DNER: variants seen among roughly 807,000 people sequenced by gnomAD.
DNER encodes the protein delta/notch like EGF repeat containing, also known as delta and Notch-like epidermal growth factor-related receptor.
Under a neutral mutation model 78.2 loss-of-function variants are expected in DNER, and 33 were observed. That is an observed-to-expected ratio of 0.42 (90% confidence interval 0.32 to 0.56). The LOEUF is 0.56. Ranked by LOEUF, DNER falls within the 20% of genes least tolerant of loss-of-function variation. DNER has a pLI of 0.11. For synonymous variants in DNER, 417 were observed against 384.8 expected, an observed-to-expected ratio of 1.08 and a Z score of -0.98; for missense variants, 918 against 975.3, an observed-to-expected ratio of 0.94 and a Z score of 0.78.
At chr2:229,580,752 A>C (rs1309963959) in intron 4 of DNER, among the ~76,000 whole-genome samples, 1 of 152,240 alleles carries the variant, frequency 6.6e-6, no homozygotes, top group African/African-American at 2.4e-5. Context: ...TGGATAAAGC[A>C]GTCAGTCCCT....
At chr2:229,462,559 G>A (rs1179572148) in intron 7 of DNER, among the ~76,000 whole-genome samples, 2 of 151,894 alleles carry the variant, frequency 1.3e-5, no homozygotes, top group African/African-American at 4.8e-5. Flanking sequence ...CTTGCAACTT[G>A]GCTGCTACCA....
intron 1 of DNER, among the ~76,000 whole-genome samples, chr2:229,641,732 C>A (rs375794706): frequency 1.5e-3 from 232 of 152,042 alleles, no homozygotes; most frequent in African/African-American, 5.3e-3. Context: ...AAATAAAAAT[C>A]AAAAAGGAAA....
intron 4 of DNER, among the ~76,000 whole-genome samples, chr2:229,549,169 C>T (rs538714149): frequency 2.0e-5 from 3 of 152,022 alleles, no homozygotes; most frequent in Admixed American, 1.3e-4. Context: ...GAAAAGGATC[C>T]GGGGAAATAG....
intron 1 of DNER, among the ~76,000 whole-genome samples, chr2:229,605,913 G>A (rs1300903663): frequency 2.0e-5 from 3 of 152,036 alleles, no homozygotes; most frequent in Non-Finnish European, 2.9e-5. Context: ...TCATAGACAC[G>A]TGACTTACCT....
At chr2:229,655,152 T>A (rs572430356) in intron 1 of DNER, among the ~76,000 whole-genome samples, 17 of 152,170 alleles carry the variant, frequency 1.1e-4, no homozygotes, top group Admixed American at 4.6e-4. Context: ...GGGCCCATCA[T>A]CACCACCACC....
At chr2:229,647,487 G>C (rs952184901) in intron 1 of DNER, among the ~76,000 whole-genome samples, 1 of 152,142 alleles carries the variant, frequency 6.6e-6, no homozygotes, top group Non-Finnish European at 1.5e-5. Context: ...CTGCAATCTG[G>C]AAATAGATAT....
rs940062986 is a variant in DNER at position 229,358,426 on chromosome 2, C to A, written c.*114G>T. 13 of 835,044 alleles carry A rather than the reference C, an allele frequency of 1.6e-5. No individual in the cohort carries two copies. The African/African-American group carries it at 1.8e-4, about 11-fold the overall frequency. The allele number at this position is 835,044 out of a possible 1,614,324, so 51.7% of individuals were successfully genotyped here. A position where few individuals can be genotyped will look rare whatever the true frequency, so the allele number is the denominator to read the frequency against. ...TGCAGAAAATTAGTTCTTAAATATT[C>A]TACTGAAAACTCTTGAGCAGCTAGC... On this transcript the variant is annotated 3_prime_UTR_variant, in exon 13 of 13. Coordinates refer to ENST00000341772, the MANE Select transcript of DNER (RefSeq NM_139072.4).
At chr2:229,609,582 G>A (rs576569495) in intron 1 of DNER, among the ~76,000 whole-genome samples, 12 of 152,224 alleles carry the variant, frequency 7.9e-5, no homozygotes, top group Non-Finnish European at 1.3e-4. Flanking sequence ...AGCTCACAAC[G>A]CTGAAAATAT....
intron 9 of DNER, among the ~76,000 whole-genome samples, chr2:229,410,237 G>A (rs1371385516): frequency 6.6e-6 from 1 of 152,182 alleles, no homozygotes; most frequent in Admixed American, 6.5e-5. Context: ...TGTGCCTTGA[G>A]AGCATGCCGG....
chr2:229,684,210 G>GTT (rs1699446374), intron 1 of DNER, among the ~76,000 whole-genome samples: 9 of 142,104 alleles, frequency 6.3e-5, no homozygotes, highest in African/African-American at 2.2e-4. Flanking sequence ...GTGTGTGTGT[G>GTT]TTGGGGCTAA....
At chr2:229,390,683 C>T (rs1282221324) in intron 10 of DNER, among the ~76,000 whole-genome samples, 2 of 152,208 alleles carry the variant, frequency 1.3e-5, no homozygotes, top group African/African-American at 4.8e-5. Context: ...GTTTTCATCA[C>T]CATAACATTC....
At chr2:229,711,715 C>T (rs1699916100) in intron 1 of DNER, among the ~76,000 whole-genome samples, 1 of 152,144 alleles carries the variant, frequency 6.6e-6, no homozygotes, top group South Asian at 2.1e-4. Flanking sequence ...CTCTTTACAT[C>T]CAGGTAAAAT....
chr2:229,512,582 G>T (rs1447523028), intron 6 of DNER, among the ~76,000 whole-genome samples: 2 of 152,072 alleles, frequency 1.3e-5, no homozygotes, highest in African/African-American at 4.8e-5. Context: ...GTGACAAGGG[G>T]ATGAGGAATA....
intron 11 of DNER, among the ~76,000 whole-genome samples, chr2:229,383,181 GA>G (rs1692783806): frequency 6.6e-6 from 1 of 152,134 alleles, no homozygotes; most frequent in East Asian, 1.9e-4. Context: ...AAGTGAAGGA[GA>G]AATAAAATCC....
At chr2:229,619,081 C>T (rs1281991755) in intron 1 of DNER, among the ~76,000 whole-genome samples, 2 of 152,004 alleles carry the variant, frequency 1.3e-5, no homozygotes, top group Non-Finnish European at 1.5e-5. Context: ...CCAAGGAGTT[C>T]GAGGTCACAT....
intron 1 of DNER, among the ~76,000 whole-genome samples, chr2:229,673,299 G>C (rs1310087242): frequency 6.6e-6 from 1 of 152,030 alleles, no homozygotes; most frequent in Non-Finnish European, 1.5e-5. Context: ...TGAGAAGAAG[G>C]CACGAGATGC....
chr2:229,613,884 C>CT (rs571217783), intron 1 of DNER, among the ~76,000 whole-genome samples: 17 of 148,542 alleles, frequency 1.1e-4, no homozygotes, highest in South Asian at 2.1e-4. Context: ...TTTTAAATTC[C>CT]TTTTTTTTTT....
intron 9 of DNER, among the ~76,000 whole-genome samples, chr2:229,417,176 A>C (rs1693672024): frequency 1.3e-5 from 2 of 152,174 alleles, no homozygotes; most frequent in Admixed American, 1.3e-4. Context: ...TCAAGTTTTC[A>C]GTGTAGCCTA....
intron 1 of DNER, among the ~76,000 whole-genome samples, chr2:229,633,686 C>T (rs1268838562): frequency 6.6e-6 from 1 of 152,226 alleles, no homozygotes; most frequent in Non-Finnish European, 1.5e-5. Flanking sequence ...GTGAGCATGC[C>T]TGTCCAGCAG....
Sources: allele counts gnomAD v4.1 joint callset (sites outside exome capture counted in the v4.1 genomes callset), GRCh38; gene constraint gnomAD v4.1.1; transcripts MANE v1.5; gene names NCBI Gene and HGNC (gene_info 2026-07-23, HGNC 2026-07-21).